Variants in EFCAB13 observed in about 807,000 individuals in gnomAD.
EFCAB13 encodes the protein EF-hand calcium binding domain 13.
EFCAB13 carries 91 observed loss-of-function variants against 110.2 expected under a neutral mutation model. That is an observed-to-expected ratio of 0.83 (90% CI 0.70 to 0.98). The LOEUF is 0.98. EFCAB13 is among the 50% of genes least tolerant of loss of function. The pLI is 0.00. For missense variants in EFCAB13, 968 were observed against 1,119.4 expected, an observed-to-expected ratio of 0.86 and a Z score of 1.93; for synonymous variants, 323 against 369.9, an observed-to-expected ratio of 0.87 and a Z score of 1.45.
chr17:47,388,494 A>G (rs2065688724), intron 14 of EFCAB13, among the ~76,000 whole-genome samples: 1 of 152,126 alleles, frequency 6.6e-6, no homozygotes, highest in Admixed American at 6.5e-5. Flanking sequence ...TCAGTAGGGG[A>G]GAATGAAGCC....
At chr17:47,368,421 G>T (rs186520224) in intron 10 of EFCAB13, among the ~76,000 whole-genome samples, 3 of 152,212 alleles carry the variant, frequency 2.0e-5, no homozygotes, top group African/African-American at 4.8e-5. Context: ...GTGGAGCAAA[G>T]GTGGTAGAGA....
chr17:47,429,513 T>A (rs1171028552), intron 23 of EFCAB13, among the ~76,000 whole-genome samples: 1 of 152,154 alleles, frequency 6.6e-6, no homozygotes, highest in Non-Finnish European at 1.5e-5. Flanking sequence ...AATCACTTAA[T>A]CTTGCTAACC....
intron 9 of EFCAB13, among the ~76,000 whole-genome samples, chr17:47,352,991 G>A (rs2065461689): frequency 6.6e-6 from 1 of 152,066 alleles, no homozygotes; most frequent in African/African-American, 2.4e-5. Flanking sequence ...AGTCTTTAGG[G>A]TTTTCTCAGT....
At chr17:47,388,329 G>T (rs1028492916) in intron 14 of EFCAB13, among the ~76,000 whole-genome samples, 1 of 152,180 alleles carries the variant, frequency 6.6e-6, no homozygotes, top group Non-Finnish European at 1.5e-5. Context: ...CTGGCAGTTT[G>T]GGGGAGGGGT....
intron 10 of EFCAB13, among the ~76,000 whole-genome samples, chr17:47,364,017 C>G (rs2143326636): frequency 6.6e-6 from 1 of 152,288 alleles, no homozygotes; most frequent in East Asian, 1.9e-4. Context: ...GCTGCAGTAC[C>G]TTGCTTTTTG....
intron 12 of EFCAB13, among the ~76,000 whole-genome samples, chr17:47,376,678 G>A (rs948932456): frequency 6.6e-6 from 1 of 152,162 alleles, no homozygotes; most frequent in Non-Finnish European, 1.5e-5. Flanking sequence ...TAACACTGAT[G>A]CAATACTGTT....
At chr17:47,416,163 A>T (rs1175444987) in intron 23 of EFCAB13, among the ~76,000 whole-genome samples, 1 of 152,130 alleles carries the variant, frequency 6.6e-6, no homozygotes, top group African/African-American at 2.4e-5. Flanking sequence ...ACCCTTTTAA[A>T]GTGTACCATT....
chr17:47,439,741 T>C (rs191401615), intron 24 of EFCAB13, among the ~76,000 whole-genome samples: 4 of 152,250 alleles, frequency 2.6e-5, no homozygotes, highest in Admixed American at 6.5e-5. Context: ...GAAGCCTTTA[T>C]AGACATTTTA....
intron 8 of EFCAB13, among the ~76,000 whole-genome samples, chr17:47,346,433 A>C (rs866224890): frequency 0.037 from 3,474 of 94,026 alleles, 3 homozygotes; most frequent in Admixed American, 0.042. Flanking sequence ...AACGTACTTT[A>C]CCCCCCCCCC....
At chr17:47,424,872 A>ATTGTTTTTTTTTT (rs1459453287) in intron 23 of EFCAB13, among the ~76,000 whole-genome samples, 2 of 68,346 alleles carry the variant, frequency 2.9e-5, no homozygotes, top group Non-Finnish European at 5.7e-5. Flanking sequence ...CCGGTTGACA[A>ATTGTTTTTTTTTT]TCTTTTTTTT....
intron 22 of EFCAB13, 100 bp downstream of exon 22, chr17:47,413,016 T>C (rs1344335527): frequency 1.5e-6 from 2 of 1,294,160 alleles, no homozygotes; most frequent in African/African-American, 3.0e-5. Flanking sequence ...ATGGGAGTCA[T>C]TTTTCTTTTG....
At chr17:47,346,568 C>A (rs756828758) in intron 8 of EFCAB13, among the ~76,000 whole-genome samples, 33 of 151,098 alleles carry the variant, frequency 2.2e-4, no homozygotes, top group Non-Finnish European at 2.1e-4. Flanking sequence ...GGTTTTAATT[C>A]TTTTGGATAA....
intron 24 of EFCAB13, chr17:47,430,200 A>G: frequency 8.1e-6 from 9 of 1,104,660 alleles, no homozygotes; most frequent in Non-Finnish European, 9.9e-6. Context: ...CTAGGAGGTG[A>G]GATTATTTTG....
rs116166517 is a variant in EFCAB13, at chr17:47,422,055, A to G, written c.2494+7136A>G. Among the ~76,000 whole-genome samples the G allele has an allele frequency of 7.3e-3, 1,109 of 152,300 alleles. 12 individuals are homozygous for G. Among genetic ancestry groups the G allele is most frequent in the African/African-American group, 0.025 (1,049 of 41,570 alleles). On this transcript the variant is annotated intron_variant, in intron 23 of 24. Coordinates refer to ENST00000331493, the MANE Select transcript of EFCAB13 (RefSeq NM_152347.5). ...ACCACAAATGGGGAAAGCTTTAATA[A>G]AATAGGATCAAATGAAATCTAGTGA...
intron 14 of EFCAB13, among the ~76,000 whole-genome samples, chr17:47,386,724 C>T (rs1179131055): frequency 2.0e-5 from 3 of 152,128 alleles, no homozygotes; most frequent in Non-Finnish European, 4.4e-5. Flanking sequence ...CCCAAACAGC[C>T]GCCCAGTTTT....
intron 10 of EFCAB13, among the ~76,000 whole-genome samples, chr17:47,362,903 C>T (rs62076461): frequency 0.47 from 71,198 of 151,772 alleles, 17,064 homozygotes; most frequent in Non-Finnish European, 0.49. Context: ...TAAATATCAG[C>T]GCAACCTGGC....
At chr17:47,435,839 G>A (rs1412127054) in intron 24 of EFCAB13, among the ~76,000 whole-genome samples, 1 of 152,082 alleles carries the variant, frequency 6.6e-6, no homozygotes, top group African/African-American at 2.4e-5. Flanking sequence ...GGAGTGGTGA[G>A]AGTGGGCATC....
At chr17:47,375,301 T>C (rs2087970220) in intron 12 of EFCAB13, among the ~76,000 whole-genome samples, 1 of 152,170 alleles carries the variant, frequency 6.6e-6, no homozygotes, top group African/African-American at 2.4e-5. Flanking sequence ...GTCTATTTTT[T>C]ATTTTTTGAG....
chr17:47,374,699 T>C lies in EFCAB13; in HGVS notation c.1105T>C (p.Phe369Leu). 1 of 1,612,944 alleles carries C rather than the reference T, an allele frequency of 6.2e-7. No individual in the cohort carries two copies. The highest frequency in any genetic ancestry group is 8.5e-7 in the Non-Finnish European group (1 of 1,179,766). Residue 369 changes from phenylalanine to leucine, a missense_variant, in exon 12 of 25, where the codon TTT (phenylalanine) becomes CTT (leucine). Phe to Leu is a conservative substitution (Grantham distance 22). Coordinates refer to ENST00000331493, the MANE Select transcript of EFCAB13 (RefSeq NM_152347.5). ...RPKNTWQIRKFLGGVGSSNVG... is the reference protein window; with the variant it reads ...RPKNTWQIRKLLGGVGSSNVG... ...AAAAAATACTTGGCAAATAAGAAAA[T>C]TTCTGGGTGGGGTTGGCAGCAGTAA...
Sources: gnomAD v4.1 joint callset for allele counts (sites outside exome capture counted in the v4.1 genomes callset) on GRCh38, gnomAD v4.1.1 for gene constraint, MANE v1.5 for transcripts, NCBI Gene and HGNC (gene_info 2026-07-23, HGNC 2026-07-21) for gene names.